ELOF1: variants seen among roughly 807,000 people sequenced by gnomAD.
The protein encoded by ELOF1 is elongation factor 1, also known as transcription elongation factor 1 homolog.
ELOF1 carries 4 observed loss-of-function variants against 7.1 expected under a neutral mutation model. The ratio of observed to expected loss-of-function variants is 0.56; its 90% CI spans 0.28 to 1.29. The LOEUF is 1.29. Ranked by LOEUF, ELOF1 falls within the 50% of genes most tolerant of loss-of-function variation. The pLI, the probability that ELOF1 is intolerant of heterozygous loss-of-function variation, is 0.10. For synonymous variants in ELOF1, 31 were observed against 31.9 expected (o/e 0.97, Z 0.09); for missense variants, 59 against 86.3 (o/e 0.68, Z 1.25).
intron 1 of ELOF1, among the ~76,000 whole-genome samples, chr19:11,557,925 T>G (rs1215270500): frequency 6.6e-6 from 1 of 152,136 alleles, no homozygotes; most frequent in Non-Finnish European, 1.5e-5. Context: ...ACTCACCACA[T>G]GAAGATTTCA....
At chr19:11,554,359 G>GA (rs2052205726) in exon 2 of ELOF1, 1 of 1,613,510 alleles carries the variant, frequency 6.2e-7, no homozygotes, top group Admixed American at 1.7e-5. Flanking sequence ...TCTGCAGGTG[G>GA]ATGAGCCTGT....
intron 2 of ELOF1, 72 bp downstream of exon 2, chr19:11,554,160 A>C: frequency 6.2e-7 from 1 of 1,614,048 alleles, no homozygotes; most frequent in Non-Finnish European, 8.5e-7. Context: ...CAAGGGAGGC[A>C]AGGGGCAGGA....
intron 1 of ELOF1, among the ~76,000 whole-genome samples, chr19:11,556,542 G>A (rs969484029): frequency 1.3e-5 from 2 of 151,986 alleles, no homozygotes; most frequent in Non-Finnish European, 2.9e-5. Flanking sequence ...CTCGTGATCC[G>A]CCTGTCTCGG....
Position 11,553,648 on chromosome 19 carries a change from G to A in ELOF1, c.187+363C>T, listed in dbSNP as rs1177457022. 10 of 1,331,862 alleles carry A rather than the reference G, an allele frequency of 7.5e-6. No individual in the cohort carries two copies. In the East Asian group the frequency reaches 2.2e-4, roughly 30 times the overall value. 82.5% of individuals were successfully genotyped at this position (1,331,862 alleles called of 1,614,324 possible). A position where few individuals can be genotyped will look rare whatever the true frequency, so the allele number is the denominator to read the frequency against. On this transcript the variant is annotated intron_variant, in intron 3 of 3. Coordinates refer to ENST00000586683, the Ensembl canonical transcript of ELOF1. ...ACACACACACGGCTGTGACAGCCCA[G>A]GACCCACACCCTGGACCCCTGGAAT...
At chr19:11,555,878 A>C (rs771832443) in intron 1 of ELOF1, among the ~76,000 whole-genome samples, 5 of 152,128 alleles carry the variant, frequency 3.3e-5, no homozygotes, top group Non-Finnish European at 5.9e-5. Flanking sequence ...AGAGTGAGTG[A>C]GTGTGACGAG....
intron 1 of ELOF1, chr19:11,555,281 G>T: frequency 6.1e-6 from 1 of 162,782 alleles, no homozygotes; most frequent in Non-Finnish European, 1.3e-5. Context: ...AAAAAAAGTC[G>T]AAATAAGGTT....
chr19:11,553,206 G>C (rs72620552), intron 3 of ELOF1: 1 of 400,126 alleles, frequency 2.5e-6, no homozygotes. Flanking sequence ...CCTGGGGAAC[G>C]GCGGCTTTGA....
chr19:11,553,092 C>G, intron 3 of ELOF1: 2 of 400,960 alleles, frequency 5.0e-6, no homozygotes, highest in Non-Finnish European at 8.8e-6. Flanking sequence ...ACAGCTGTCC[C>G]CATCCCAGCC....
chr19:11,556,588 C>A (rs1207032190), intron 1 of ELOF1, among the ~76,000 whole-genome samples: 2 of 152,008 alleles, frequency 1.3e-5, no homozygotes, highest in African/African-American at 4.8e-5. Flanking sequence ...CGTGAGCCAC[C>A]ACGCCCAGCC....
At chr19:11,558,386 C>A (rs1028467213) in intron 1 of ELOF1, among the ~76,000 whole-genome samples, 1 of 151,794 alleles carries the variant, frequency 6.6e-6, no homozygotes, top group African/African-American at 2.4e-5. Context: ...AAAGTGCTGG[C>A]GTTACAAGCA....
intron 1 of ELOF1, chr19:11,554,578 C>G (rs578230856): frequency 4.8e-4 from 297 of 624,090 alleles, no homozygotes; most frequent in Non-Finnish European, 7.3e-4. Context: ...AACCCCATCT[C>G]TCTCACTTAC....
chr19:11,558,514 G>A (rs991989601), intron 1 of ELOF1, among the ~76,000 whole-genome samples: 1 of 151,868 alleles, frequency 6.6e-6, no homozygotes, highest in Non-Finnish European at 1.5e-5. Flanking sequence ...GGCCCAGGTG[G>A]GAAGATCGCT....
At chr19:11,553,314 A>G (rs1488371119) in intron 3 of ELOF1, 2 of 434,596 alleles carry the variant, frequency 4.6e-6, no homozygotes, top group East Asian at 3.4e-5. Flanking sequence ...GTCCTGTTCC[A>G]GCCTCTAGTG....
chr19:11,554,304 T>C (rs1258498950), exon 2 of ELOF1: 2 of 1,613,940 alleles, frequency 1.2e-6, no homozygotes, highest in Non-Finnish European at 1.7e-6. Context: ...GCCTGTCATC[T>C]TCTTCTTGGG....
In ELOF1 at chr19:11,559,180, C is replaced by G. The variant is rs1171954136; in HGVS notation, c.-19+11G>C. 6.5e-6 allele frequency: 1 copy of G among 152,856 alleles called. No homozygotes were observed. The highest frequency in any genetic ancestry group is 6.5e-5 in the Admixed American group (1 of 15,298). 9.5% of individuals were successfully genotyped at this position (152,856 alleles called of 1,614,324 possible). The stretch of plus-strand genomic sequence containing the variant: ...CCAACGCCCACTCGCACGAGCCGCA[C>G]CAGCACTCACCTTCTCCAGCTGCGA... On this transcript the variant is annotated intron_variant, in intron 1 of 3. Transcript: ENST00000586683.
At position 11,558,139 on chromosome 19, in the gene ELOF1, A is replaced by G. The variant is rs780285262; in HGVS notation, c.-19+1052T>C. Among the ~76,000 whole-genome samples, 41 of 152,308 alleles carry G rather than the reference A, an allele frequency of 2.7e-4. No homozygotes were observed. The Middle Eastern group carries it at 0.014, about 51-fold the overall frequency. On this transcript the variant is annotated intron_variant, in intron 1 of 3. Coordinates refer to ENST00000586683, the Ensembl canonical transcript of ELOF1. ...TCCAGTCTTCCTCATCTCAGCTAAC[A>G]GCAATTCCATCTTTCCGGATAATCA...
intron 3 of ELOF1, 91 bp downstream of exon 3, chr19:11,553,920 T>C: frequency 1.2e-6 from 2 of 1,610,850 alleles, no homozygotes; most frequent in Non-Finnish European, 1.7e-6. Flanking sequence ...GCTTTGGCCC[T>C]GCACCAGGGC....
At chr19:11,555,806 C>G (rs1236064838) in intron 1 of ELOF1, 6 of 152,692 alleles carry the variant, frequency 3.9e-5, no homozygotes, top group Non-Finnish European at 7.3e-5. Flanking sequence ...AAGTCACAGC[C>G]AGGACAGGGC....
intron 1 of ELOF1, among the ~76,000 whole-genome samples, chr19:11,556,803 C>T (rs1972841024): frequency 6.6e-6 from 1 of 152,234 alleles, no homozygotes; most frequent in Non-Finnish European, 1.5e-5. Flanking sequence ...CCTCAGCCTG[C>T]TCAGTAGCTG....
Sources: gnomAD v4.1 joint callset for allele counts (sites outside exome capture counted in the v4.1 genomes callset) on GRCh38, gnomAD v4.1.1 for gene constraint, MANE v1.5 for transcripts, NCBI Gene and HGNC (gene_info 2026-07-23, HGNC 2026-07-21) for gene names.